Variants in DARS2 observed in about 807,000 individuals in gnomAD.
DARS2 encodes the protein aspartate--tRNA ligase, mitochondrial.
A neutral mutation model predicts 83.0 loss-of-function variants in DARS2; 63 were observed. That is an observed-to-expected ratio of 0.76 (90% CI 0.62 to 0.94). The LOEUF is 0.94. Ranked by LOEUF, DARS2 falls within the 40% of genes least tolerant of loss-of-function variation. The pLI, the probability that DARS2 is intolerant of heterozygous loss-of-function variation, is 0.00. For synonymous variants in DARS2, 250 were observed against 269.3 expected, an observed-to-expected ratio of 0.93 and a Z score of 0.70; for missense variants, 675 against 774.4, an observed-to-expected ratio of 0.87 and a Z score of 1.52.
intron 10 of DARS2, among the ~76,000 whole-genome samples, chr1:173,839,967 G>A (rs1169576583): frequency 6.6e-6 from 1 of 151,858 alleles, no homozygotes; most frequent in Non-Finnish European, 1.5e-5. Flanking sequence ...TTAAAGCAGG[G>A]GTAGAATTTA....
intron 8 of DARS2, among the ~76,000 whole-genome samples, chr1:173,837,738 A>C (rs1653055438): frequency 6.6e-6 from 1 of 152,164 alleles, no homozygotes; most frequent in African/African-American, 2.4e-5. Context: ...CTGTATGTCT[A>C]ATTCGATTAA....
rs1014697782 is a variant in DARS2 at position 173,858,451 on chromosome 1, GTAT to G, written c.*750_*752del. On this transcript the variant is annotated 3_prime_UTR_variant, in exon 17 of 17. Transcript: ENST00000649689. ...AGCATTCCACAAATATGAGATGATG[GTAT>G]TATCCATCCATAAATAGGTAGATAT... 5.3e-5 allele frequency: 8 copies of G among 151,914 alleles called. No individual in the cohort carries two copies. Among genetic ancestry groups the G allele is most frequent in the African/African-American group, 1.9e-4 (8 of 41,356 alleles). 9.4% of individuals were successfully genotyped at this position (151,914 alleles called of 1,614,324 possible).
intron 7 of DARS2, among the ~76,000 whole-genome samples, chr1:173,835,859 G>C (rs758112801): frequency 6.6e-6 from 1 of 152,020 alleles, no homozygotes; most frequent in Non-Finnish European, 1.5e-5. Flanking sequence ...TTTAAGACCC[G>C]CCTGACCAAT....
In DARS2 at chr1:173,828,083, G is replaced by A. The variant is rs543852705; in HGVS notation, c.228-250G>A. On this transcript the variant is annotated intron_variant, in intron 2 of 16. Coordinates refer to ENST00000649689, the MANE Select transcript of DARS2 (RefSeq NM_018122.5). ...ATAAGATTAATATACCAGGTAAGTA[G>A]ACAATAAAAATTGAAACTGAAATAA... 1.4e-4 allele frequency among the ~76,000 whole-genome samples: 22 copies of A among 151,986 alleles called. No homozygotes were observed. The East Asian group carries it at 4.1e-3, about 28-fold the overall frequency.
At position 173,826,665 on chromosome 1, in the gene DARS2, CTT is replaced by C. The variant is rs746151025; in HGVS notation, c.128-6_128-5del. 6.3e-3 allele frequency: 7,696 copies of C among 1,228,806 alleles called. No individual in the cohort carries two copies. Among genetic ancestry groups the C allele is most frequent in the Non-Finnish European group, 7.1e-3 (6,296 of 887,976 alleles). 76.1% of individuals were successfully genotyped at this position (1,228,806 alleles called of 1,614,324 possible). A position where few individuals can be genotyped will look rare whatever the true frequency, so the allele number is the denominator to read the frequency against. On this transcript the variant is annotated intron_variant, in intron 1 of 16. Coordinates refer to ENST00000649689, the MANE Select transcript of DARS2 (RefSeq NM_018122.5). ...TTTTTAATCTTGCCTTTTAAAGTTTCTTTTTTTTTTTTTTTTTAAAGAATTCA... is the reference window on the plus strand; with the variant it reads ...TTTTTAATCTTGCCTTTTAAAGTTTCTTTTTTTTTTTTTTTAAAGAATTCA...
intron 3 of DARS2, among the ~76,000 whole-genome samples, chr1:173,829,915 T>A (rs1307407658): frequency 1.3e-5 from 2 of 151,474 alleles, no homozygotes; most frequent in Non-Finnish European, 1.5e-5. Flanking sequence ...CTCAAAAAAA[T>A]AATAATAATA....
chr1:173,835,850 T>G (rs1394947494), intron 7 of DARS2, among the ~76,000 whole-genome samples: 2 of 151,820 alleles, frequency 1.3e-5, no homozygotes, highest in African/African-American at 4.8e-5. Context: ...GGTCAGGAGT[T>G]TAAGACCCGC....
intron 3 of DARS2, among the ~76,000 whole-genome samples, chr1:173,829,268 G>A (rs1652703711): frequency 6.6e-6 from 1 of 151,710 alleles, no homozygotes; most frequent in Non-Finnish European, 1.5e-5. Context: ...TCTCTGGAAG[G>A]ATACCTAAGT....
chr1:173,843,523 G>A (rs1459258025), intron 11 of DARS2, among the ~76,000 whole-genome samples: 1 of 152,162 alleles, frequency 6.6e-6, no homozygotes, highest in African/African-American at 2.4e-5. Context: ...TTGCCTCACT[G>A]CACTCCAGCC....
At chr1:173,854,459 TTAAA>T (rs1258215708) in intron 15 of DARS2, among the ~76,000 whole-genome samples, 1 of 152,226 alleles carries the variant, frequency 6.6e-6, no homozygotes, top group Non-Finnish European at 1.5e-5. Context: ...ACAGTACTAT[TTAAA>T]TACTAATTAA....
chr1:173,834,005 T>C (rs1386000774), intron 6 of DARS2, among the ~76,000 whole-genome samples: 2 of 152,084 alleles, frequency 1.3e-5, no homozygotes, highest in African/African-American at 2.4e-5. Flanking sequence ...TAAGCAATCC[T>C]CCCACCTAAC....
chr1:173,851,141 C>T (rs113484884), intron 13 of DARS2, among the ~76,000 whole-genome samples: 2,439 of 149,540 alleles, frequency 0.016, 66 homozygotes, highest in African/African-American at 0.056. Context: ...CCCAGTTCCT[C>T]GGGAGGCTGA....
intron 16 of DARS2, 36 bp downstream of exon 16, chr1:173,856,777 T>C: frequency 6.4e-7 from 1 of 1,555,594 alleles, no homozygotes; most frequent in Non-Finnish European, 8.9e-7. Context: ...TAAACTGAAT[T>C]CCATTGCACT....
intron 12 of DARS2, among the ~76,000 whole-genome samples, chr1:173,845,670 G>A (rs1653407305): frequency 6.6e-6 from 1 of 152,086 alleles, no homozygotes; most frequent in Admixed American, 6.6e-5. Flanking sequence ...CGAGGCTACA[G>A]TGAGCTGAGA....
chr1:173,854,026 T>A, intron 15 of DARS2, 121 bp downstream of exon 15: 1 of 814,184 alleles, frequency 1.2e-6, no homozygotes, highest in South Asian at 1.5e-5. Flanking sequence ...CCCAGGCAGG[T>A]GTCTACTGGT....
rs2102641279 is a variant in DARS2 at position 173,833,440 on chromosome 1, AC to A, written c.559del (p.Leu187CysfsTer3). The A allele has an allele frequency of 6.2e-7, 1 of 1,614,134 alleles. No homozygotes were observed. Among genetic ancestry groups the A allele is most frequent in the Admixed American group, 1.7e-5 (1 of 60,022 alleles). On this transcript the variant is annotated frameshift_variant, in exon 6 of 17. Transcript: ENST00000649689. LOFTEE classifies it high-confidence loss of function. ...LDLRSFQMQY[N>X]LRLRSQMVMK... ...TTGCGTAGTTTCCAAATGCAGTATA[AC>A]CTGCGACTGAGGTCCCAGATGGTCA...
Position 173,850,433 on chromosome 1 carries a change from A to G in DARS2, c.1298A>G (p.Gln433Arg). Residue 433 changes from glutamine (Q) to arginine (R), a missense_variant, in exon 13 of 17, where the codon CAA becomes CGA. Transcript: ENST00000649689. Reference sequence around the variant, plus strand: ...GAATTAATCAGACTAATGGAGACCCAAGAGGAAGATGTGGTCCTACTAACT... The same window carrying G: ...GAATTAATCAGACTAATGGAGACCCGAGAGGAAGATGTGGTCCTACTAACT... ...RLELIRLMETQEEDVVLLTAG... is the reference protein window; with the variant it reads ...RLELIRLMETREEDVVLLTAG... 1 of 1,614,054 alleles carries G rather than the reference A, an allele frequency of 6.2e-7. No individual in the cohort carries two copies. The highest frequency in any genetic ancestry group is 8.5e-7 in the Non-Finnish European group (1 of 1,179,950).
chr1:173,828,565 C>T (rs891308294), intron 3 of DARS2, among the ~76,000 whole-genome samples, 166 bp downstream of exon 3: 3 of 151,704 alleles, frequency 2.0e-5, no homozygotes, highest in Admixed American at 2.0e-4. Context: ...GACCAGTGAC[C>T]CAGTAGAATT....
intron 13 of DARS2, 82 bp from the exon 14 acceptor site, chr1:173,853,267 C>A: frequency 7.3e-7 from 1 of 1,365,668 alleles, no homozygotes. Flanking sequence ...TAGAGAATGG[C>A]CTGGCTTCGG....
Sources: gnomAD v4.1 joint callset for allele counts (sites outside exome capture counted in the v4.1 genomes callset) on GRCh38, gnomAD v4.1.1 for gene constraint, MANE v1.5 for transcripts, NCBI Gene and HGNC (gene_info 2026-07-23, HGNC 2026-07-21) for gene names.